The following EXT1 variants were observed in gnomAD, a reference collection of about 807,000 sequenced individuals.
EXT1 encodes the protein exostosin-1.
Under a neutral mutation model 82.5 loss-of-function variants are expected in EXT1, and 20 were observed. The observed-to-expected ratio is 0.24, with a 90% CI of 0.17 to 0.35. The LOEUF is 0.35. EXT1 is among the 10% of genes least tolerant of loss of function. EXT1 has a pLI of 1.00. For synonymous variants in EXT1, 348 were observed against 350.8 expected (o/e 0.99, Z 0.09); for missense variants, 757 against 936.5 (o/e 0.81, Z 2.50).
chr8:117,991,308 G>C (rs550748904), intron 1 of EXT1, among the ~76,000 whole-genome samples: 3 of 152,142 alleles, frequency 2.0e-5, no homozygotes, highest in Admixed American at 6.5e-5. Flanking sequence ...CATATAAAGT[G>C]CATGATGTCT....
At chr8:117,829,475 C>A (rs1323063451) in intron 4 of EXT1, among the ~76,000 whole-genome samples, 1 of 152,040 alleles carries the variant, frequency 6.6e-6, no homozygotes. Flanking sequence ...ATTCTGCTGT[C>A]CCGCAATGCC....
At chr8:118,048,023 AT>A (rs199998123) in intron 1 of EXT1, among the ~76,000 whole-genome samples, 14 of 125,286 alleles carry the variant, frequency 1.1e-4, no homozygotes, top group African/African-American at 3.8e-4. Flanking sequence ...AAGAATTAAT[AT>A]TAAAAAAAAA....
At chr8:117,992,806 T>C (rs891087618) in intron 1 of EXT1, among the ~76,000 whole-genome samples, 1 of 152,340 alleles carries the variant, frequency 6.6e-6, no homozygotes, top group Admixed American at 6.5e-5. Flanking sequence ...TTCCGTGGCA[T>C]GGGAACAGAC....
intron 1 of EXT1, among the ~76,000 whole-genome samples, chr8:117,882,973 T>C (rs2033749601): frequency 7.3e-6 from 1 of 137,124 alleles, no homozygotes; most frequent in African/African-American, 2.8e-5. Context: ...TGAGACTCTG[T>C]CTCAAAGAAA....
At chr8:117,914,574 T>C (rs1373874393) in intron 1 of EXT1, among the ~76,000 whole-genome samples, 3 of 152,122 alleles carry the variant, frequency 2.0e-5, no homozygotes, top group Non-Finnish European at 4.4e-5. Context: ...GCAAGGAATA[T>C]TAATATTAAT....
At chr8:118,018,888 C>G (rs1200129098) in intron 1 of EXT1, among the ~76,000 whole-genome samples, 1 of 151,950 alleles carries the variant, frequency 6.6e-6, no homozygotes, top group African/African-American at 2.4e-5. Flanking sequence ...TCTCTTTTTT[C>G]CAATACAGAC....
rs1016811822 is a variant in EXT1, at chr8:117,804,783, G to A, written c.1994C>T (p.Thr665Ile). 6.2e-7 allele frequency: 1 copy of A among 1,614,112 alleles called. No individual in the cohort carries two copies. The highest frequency in any genetic ancestry group is 8.5e-7 in the Non-Finnish European group (1 of 1,179,996). Reference protein sequence around the residue: ...ILMNFLVSAVTKLPPIKVTQK... With the variant: ...ILMNFLVSAVIKLPPIKVTQK... ...GGTCACTTTGATTGGAGGCAATTTTGTCACAGCAGACACCAGGAAGTTCAT... is the reference window on the plus strand; with the variant it reads ...GGTCACTTTGATTGGAGGCAATTTTATCACAGCAGACACCAGGAAGTTCAT... The change falls in exon 10 of 11, where the codon ACA becomes ATA. Residue 665 changes from threonine to isoleucine, a missense_variant. Thr to Ile is a moderately conservative substitution (Grantham distance 89). Coordinates refer to ENST00000378204, the MANE Select transcript of EXT1 (RefSeq NM_000127.3).
chr8:117,829,563 A>ATT (rs1373514397), intron 4 of EXT1, among the ~76,000 whole-genome samples: 1 of 83,828 alleles, frequency 1.2e-5, no homozygotes, highest in Non-Finnish European at 2.6e-5. Flanking sequence ...CATTATATAT[A>ATT]TTTTTCTTTT....
chr8:117,812,682 C>G (rs1823345978), intron 8 of EXT1, among the ~76,000 whole-genome samples, 190 bp downstream of exon 8: 1 of 152,198 alleles, frequency 6.6e-6, no homozygotes, highest in African/African-American at 2.4e-5. Context: ...AGGGGAGATG[C>G]CCGCCTCAGA....
intron 1 of EXT1, among the ~76,000 whole-genome samples, chr8:117,980,703 T>G (rs55862157): frequency 0.35 from 19,122 of 54,744 alleles, 2,091 homozygotes; most frequent in African/African-American, 0.52. Flanking sequence ...TGGTGGTTTT[T>G]TTTTTTTTTT....
At chr8:117,869,223 G>GA (rs1436705418) in intron 1 of EXT1, among the ~76,000 whole-genome samples, 1 of 152,190 alleles carries the variant, frequency 6.6e-6, no homozygotes, top group Non-Finnish European at 1.5e-5. Flanking sequence ...CCATGAGGAA[G>GA]AATTTAATGA....
intron 1 of EXT1, among the ~76,000 whole-genome samples, chr8:118,023,041 C>T (rs1011029583): frequency 1.3e-5 from 2 of 152,148 alleles, no homozygotes; most frequent in Non-Finnish European, 2.9e-5. Context: ...TAAACCAAGT[C>T]ATAAACCATA....
intron 3 of EXT1, among the ~76,000 whole-genome samples, chr8:117,830,632 T>C (rs1431124107): frequency 3.3e-5 from 5 of 152,208 alleles, no homozygotes; most frequent in Non-Finnish European, 5.9e-5. Context: ...TAGTCTATAG[T>C]CACAATTGCT....
At chr8:118,073,697 GAGAAGAGA>G (rs747263811) in intron 1 of EXT1, among the ~76,000 whole-genome samples, 10,500 of 132,194 alleles carry the variant, frequency 0.079, 533 homozygotes, top group Non-Finnish European at 0.11. Flanking sequence ...GAGAAGAGAA[GAGAAGAGA>G]AGCCTCTTAA....
intron 1 of EXT1, among the ~76,000 whole-genome samples, chr8:117,944,652 T>C (rs1278766277): frequency 6.6e-6 from 1 of 152,160 alleles, no homozygotes; most frequent in African/African-American, 2.4e-5. Flanking sequence ...AACAATTCCA[T>C]TAAAATTGGA....
At chr8:118,071,171 G>C (rs971867702) in intron 1 of EXT1, among the ~76,000 whole-genome samples, 2 of 152,156 alleles carry the variant, frequency 1.3e-5, no homozygotes, top group Admixed American at 6.5e-5. Flanking sequence ...TAAATTGGTA[G>C]GTAGAGCATT....
intron 1 of EXT1, among the ~76,000 whole-genome samples, chr8:118,023,031 T>C (rs1816139290): frequency 6.6e-6 from 1 of 152,146 alleles, no homozygotes. Context: ...TCTGGTGTCA[T>C]AAACCAAGTC....
At chr8:117,934,494 T>A (rs1054828429) in intron 1 of EXT1, among the ~76,000 whole-genome samples, 1 of 152,206 alleles carries the variant, frequency 6.6e-6, no homozygotes. Context: ...GTGCCCTGTG[T>A]AAGCTCCTCC....
At chr8:117,804,201 G>A (rs955007225) in intron 10 of EXT1, among the ~76,000 whole-genome samples, 4 of 152,080 alleles carry the variant, frequency 2.6e-5, no homozygotes, top group Non-Finnish European at 5.9e-5. Flanking sequence ...CATGAGGGTG[G>A]AGTCCTCACA....
Sources: allele counts gnomAD v4.1 joint callset (sites outside exome capture counted in the v4.1 genomes callset), GRCh38; gene constraint gnomAD v4.1.1; transcripts MANE v1.5; gene names NCBI Gene and HGNC (gene_info 2026-07-23, HGNC 2026-07-21).